The following SRD5A2 variants were observed in gnomAD, a reference collection of about 807,000 sequenced individuals.
The protein encoded by SRD5A2 is 3-oxo-5-alpha-steroid 4-dehydrogenase 2.
A neutral mutation model predicts 27.4 loss-of-function variants in SRD5A2; 30 were observed. The ratio of observed to expected loss-of-function variants is 1.10; its 90% CI spans 0.82 to 1.49. SRD5A2 has a LOEUF of 1.49. Among genes scored for constraint, SRD5A2 ranks in the 40% most tolerant of loss-of-function variants. The pLI is 0.00. For synonymous variants in SRD5A2, 141 were observed against 133.6 expected (o/e 1.06, Z -0.38); for missense variants, 348 against 323.4 (o/e 1.08, Z -0.58).
At chr2:31,604,654 G>C in the SRD5A2 span, among the ~76,000 whole-genome samples, 1 of 151,566 alleles carries the variant, frequency 6.6e-6, no homozygotes. Flanking sequence ...AGAAGTTGAA[G>C]AATGCTCCAA....
chr2:31,595,266 G>A, the SRD5A2 span, among the ~76,000 whole-genome samples: 10 of 152,196 alleles, frequency 6.6e-5, 1 homozygote, highest in African/African-American at 2.4e-4. Flanking sequence ...GAAACAAAAA[G>A]TTGATTCTTT....
At chr2:31,563,871 G>C (rs1666676807) in intron 1 of SRD5A2, among the ~76,000 whole-genome samples, 2 of 152,104 alleles carry the variant, frequency 1.3e-5, no homozygotes, top group African/African-American at 2.4e-5. Flanking sequence ...TTATTAATTA[G>C]CCCTAGCATT....
At chr2:31,549,094 A>ATTATTG (rs1258089199) in intron 1 of SRD5A2, among the ~76,000 whole-genome samples, 3 of 142,202 alleles carry the variant, frequency 2.1e-5, no homozygotes, top group African/African-American at 7.9e-5. Flanking sequence ...TATTATTATT[A>ATTATTG]TTATTATTAT....
the SRD5A2 span, among the ~76,000 whole-genome samples, chr2:31,655,809 T>C: frequency 6.6e-6 from 1 of 152,024 alleles, no homozygotes; most frequent in Non-Finnish European, 1.5e-5. Flanking sequence ...CAGTTCAGCT[T>C]CCCCCACTCC....
the SRD5A2 span, among the ~76,000 whole-genome samples, chr2:31,647,232 C>G: frequency 1.1e-4 from 17 of 152,228 alleles, no homozygotes; most frequent in African/African-American, 4.1e-4. Flanking sequence ...GCTTTTCACA[C>G]CTTAGCGTGT....
At chr2:31,625,680 G>T in the SRD5A2 span, among the ~76,000 whole-genome samples, 4 of 152,116 alleles carry the variant, frequency 2.6e-5, no homozygotes, top group African/African-American at 9.7e-5. Context: ...TAGATGTGTG[G>T]TGTTATTTCT....
chr2:31,612,894 G>T, the SRD5A2 span, among the ~76,000 whole-genome samples: 1 of 152,138 alleles, frequency 6.6e-6, no homozygotes, highest in Admixed American at 6.6e-5. Context: ...TTTCAACAAA[G>T]GTGCCAAGAA....
At chr2:31,621,471 T>C in the SRD5A2 span, among the ~76,000 whole-genome samples, 3 of 152,156 alleles carry the variant, frequency 2.0e-5, no homozygotes, top group Non-Finnish European at 2.9e-5. Flanking sequence ...TTCTATTACA[T>C]GAATATTGCG....
At chr2:31,606,590 T>C in the SRD5A2 span, among the ~76,000 whole-genome samples, 1 of 151,854 alleles carries the variant, frequency 6.6e-6, no homozygotes, top group East Asian at 1.9e-4. Flanking sequence ...GAAAGCTCAA[T>C]CGAGCTTCAG....
chr2:31,650,394 A>G, the SRD5A2 span, among the ~76,000 whole-genome samples: 3 of 152,216 alleles, frequency 2.0e-5, no homozygotes, highest in African/African-American at 7.2e-5. Flanking sequence ...AAGAAAGAAT[A>G]GTAAGGACCA....
upstream of SRD5A2, among the ~76,000 whole-genome samples, chr2:31,583,619 AAAAAAAAAAC>A (rs1667120527): frequency 2.8e-5 from 2 of 70,190 alleles, no homozygotes; most frequent in Non-Finnish European, 3.1e-5. Flanking sequence ...TCCAGGAAAA[AAAAAAAAAAC>A]AAAAAAAAAG....
intron 1 of SRD5A2, among the ~76,000 whole-genome samples, chr2:31,564,341 C>A: frequency 6.7e-6 from 1 of 150,146 alleles, no homozygotes; most frequent in Admixed American, 6.6e-5. Context: ...TGAAGAATAG[C>A]AATAGAAATT....
chr2:31,587,650 G>C, the SRD5A2 span, among the ~76,000 whole-genome samples: 1 of 152,190 alleles, frequency 6.6e-6, no homozygotes, highest in African/African-American at 2.4e-5. Flanking sequence ...CACAGGAACA[G>C]AAAATCAAAC....
At chr2:31,551,130 T>C (rs1424172506) in intron 1 of SRD5A2, among the ~76,000 whole-genome samples, 1 of 152,152 alleles carries the variant, frequency 6.6e-6, no homozygotes, top group East Asian at 1.9e-4. Context: ...CTACCATATT[T>C]TGTTGTAAAT....
In SRD5A2 at chr2:31,531,472, C is replaced by A. The variant is rs1489536871; in HGVS notation, c.446G>T (p.Gly149Val). Reference protein sequence around the residue: ...GWYTDIRFSLGVFLFILGMGI... With the variant: ...GWYTDIRFSLVVFLFILGMGI... The stretch of plus-strand genomic sequence containing the variant: ...CATTCCCAAAATAAATAAGAAGACA[C>A]CTTGACAAAGAAGAGAGAAAGGAGA... Residue 149 changes from glycine (G) to valine (V), a missense_variant and splice_region_variant, in exon 3 of 5, where the codon GGT becomes GTT. Coordinates refer to ENST00000622030, the MANE Select transcript of SRD5A2 (RefSeq NM_000348.4). 1.9e-6 allele frequency: 3 copies of A among 1,584,698 alleles called. No homozygotes were observed. The highest frequency in any genetic ancestry group is 1.8e-5 in the Admixed American group (1 of 56,170).
chr2:31,619,452 A>T, the SRD5A2 span, among the ~76,000 whole-genome samples: 2 of 152,138 alleles, frequency 1.3e-5, no homozygotes, highest in East Asian at 3.9e-4. Context: ...TTAGGTATAT[A>T]TCCGGTAATG....
chr2:31,625,647 G>T, the SRD5A2 span, among the ~76,000 whole-genome samples: 1 of 152,072 alleles, frequency 6.6e-6, no homozygotes, highest in Non-Finnish European at 1.5e-5. Flanking sequence ...TTTTTGTCAG[G>T]TTTGTCAAAG....
At chr2:31,635,961 T>G in the SRD5A2 span, among the ~76,000 whole-genome samples, 1 of 152,064 alleles carries the variant, frequency 6.6e-6, no homozygotes, top group Non-Finnish European at 1.5e-5. Context: ...GTGGCAAAGT[T>G]TGAAGTCAAG....
intron 1 of SRD5A2, among the ~76,000 whole-genome samples, chr2:31,542,864 G>T (rs1666157294): frequency 6.6e-6 from 1 of 151,966 alleles, no homozygotes; most frequent in Admixed American, 6.6e-5. Context: ...GAGAAAGAAA[G>T]GAGTAGAGAG....
Sources: allele counts gnomAD v4.1 joint callset (sites outside exome capture counted in the v4.1 genomes callset), GRCh38; gene constraint gnomAD v4.1.1; transcripts MANE v1.5; gene names NCBI Gene and HGNC (gene_info 2026-07-23, HGNC 2026-07-21).